Variants in SPHK1 observed in about 807,000 individuals in gnomAD.
SPHK1 encodes sphingosine kinase 1, also known as SK 1.
In SPHK1, 10 loss-of-function variants were observed where a neutral mutation model predicts 14.6. That is an observed-to-expected ratio of 0.68 (90% CI 0.42 to 1.16). The LOEUF (loss-of-function observed/expected upper bound fraction) is 1.16, where lower values mean the gene tolerates loss of function less well. Among genes scored for constraint, SPHK1 ranks in the 50% most tolerant of loss-of-function variants. The probability of loss-of-function intolerance (pLI) is 0.00; values close to 1 mark genes in which losing one functional copy is unlikely to be tolerated. For synonymous variants in SPHK1, 274 were observed against 224.0 expected (o/e 1.22, Z -1.99); for missense variants, 553 against 525.4 (o/e 1.05, Z -0.51).
upstream of SPHK1, chr17:76,383,373 G>C (rs1468119269): frequency 6.4e-6 from 1 of 155,748 alleles, no homozygotes; most frequent in Non-Finnish European, 1.4e-5. Context: ...CCGCCCGTCT[G>C]ACCCCCCAAG....
In SPHK1 at chr17:76,386,591, C is replaced by T; in HGVS notation, c.374+83C>T. ...GTTTTCTTGTCTAAGCTCCCATAGG[C>T]TGAGATCATTTCCATTTCCCCTTCT... On this transcript the variant is annotated intron_variant, in intron 5 of 5. Transcript: ENST00000592299. This position sits in a 1 kb window ranked among gnomAD's most constrained non-coding sequence, Gnocchi z 5.3. The T allele has an allele frequency of 7.4e-7, 1 of 1,357,520 alleles. No individual in the cohort carries two copies. The highest frequency in any genetic ancestry group is 1.0e-6 in the Non-Finnish European group (1 of 991,608). The allele number at this position is 1,357,520 out of a possible 1,614,324, so 84.1% of individuals were successfully genotyped here. A position where few individuals can be genotyped will look rare whatever the true frequency, so the allele number is the denominator to read the frequency against.
upstream of SPHK1, chr17:76,383,876 G>C: frequency 7.8e-7 from 1 of 1,274,756 alleles, no homozygotes; most frequent in Non-Finnish European, 1.0e-6. Context: ...CCCGACGGGG[G>C]CCCCCAGGCC....
Position 76,386,976 on chromosome 17 carries a change from A to T in SPHK1, c.545A>T (p.Glu182Val). 6.2e-7 allele frequency: 1 copy of T among 1,613,664 alleles called. No individual in the cohort carries two copies. The highest frequency in any genetic ancestry group is 2.2e-5 in the East Asian group (1 of 44,870). The change falls in exon 6 of 6, where the codon GAG (glutamate) becomes GTG (valine). Residue 182 changes from glutamate to valine, a missense_variant. Physicochemically the swap from Glu to Val is moderately radical, Grantham distance 121. Transcript: ENST00000592299. This position sits in a 1 kb window ranked among gnomAD's most constrained non-coding sequence, Gnocchi z 5.3. ...ATTGCTGATGTGGACCTAGAGAGTG[A>T]GAAGTATCGGCGTCTGGGGGAGATG... ...GFIADVDLES[E>V]KYRRLGEMRF...
intron 1 of SPHK1, 193 bp downstream of exon 1, chr17:76,384,999 C>T: frequency 1.5e-6 from 2 of 1,367,796 alleles, no homozygotes; most frequent in Middle Eastern, 2.4e-4. Context: ...GAGCGGGGCC[C>T]TGAGAAGCGC....
At chr17:76,384,908 GC>G in intron 1 of SPHK1, 102 bp downstream of exon 1, 1 of 520,942 alleles carries the variant, frequency 1.9e-6, no homozygotes, top group Non-Finnish European at 3.2e-6. Context: ...GCGAGAGCAG[GC>G]GGCAGCTGGT....
upstream of SPHK1, chr17:76,383,563 G>C (rs1490563271): frequency 3.9e-6 from 1 of 255,810 alleles, no homozygotes; most frequent in Non-Finnish European, 7.9e-6. Flanking sequence ...GCGGGGGCGC[G>C]CGAGCCCCGC....
rs346801 is a variant in SPHK1, at chr17:76,387,597, G to A, written c.*11G>A. On this transcript the variant is annotated 3_prime_UTR_variant, in exon 6 of 6. Transcript: ENST00000592299. The surrounding 1 kb of genome is among the most constrained non-coding windows in gnomAD (Gnocchi z 4.1). Reference sequence around the variant, plus strand: ...GAAGAGCCCTTATGACCCCTGGGCCGCGCTGTGCCTTAGTGTCTACTTGCA... The same window carrying A: ...GAAGAGCCCTTATGACCCCTGGGCCACGCTGTGCCTTAGTGTCTACTTGCA... The A allele has an allele frequency of 0.047, 73,402 of 1,566,602 alleles. 2,403 individuals carry two copies. The highest frequency in any genetic ancestry group is 0.12 in the South Asian group (10,091 of 84,490).
In SPHK1 at chr17:76,387,833, A is replaced by C; in HGVS notation, c.*247A>C. ...CTGAGACCCCCACCCCACGAACCAA[A>C]TCCAAATAAAGTGACATTCCCAGCC... is the stretch of plus-strand genomic sequence containing the variant. On this transcript the variant is annotated 3_prime_UTR_variant, in exon 6 of 6. Coordinates refer to ENST00000592299, the MANE Select transcript of SPHK1 (RefSeq NM_001142601.2). This position sits in a 1 kb window ranked among gnomAD's most constrained non-coding sequence, Gnocchi z 4.1. 2.1e-6 allele frequency: 1 copy of C among 478,136 alleles called. No homozygotes were observed. Among genetic ancestry groups the C allele is most frequent in the Non-Finnish European group, 3.7e-6 (1 of 270,986 alleles). 29.6% of individuals were successfully genotyped at this position (478,136 alleles called of 1,614,324 possible).
chr17:76,385,633 C>T lies in SPHK1; in HGVS notation c.-12C>T, dbSNP rs1567822465. On this transcript the variant is annotated 5_prime_UTR_variant, in exon 2 of 6. Coordinates refer to ENST00000592299, the MANE Select transcript of SPHK1 (RefSeq NM_001142601.2). This position sits in a 1 kb window ranked among gnomAD's most constrained non-coding sequence, Gnocchi z 5.3. ...AGGGACCCCCTGGCAGCGGGAGCCG[C>T]GGGTCGAGGTTATGGATCCAGGTTT... 2.0e-6 allele frequency: 3 copies of T among 1,538,116 alleles called. No individual in the cohort carries two copies. The highest frequency in any genetic ancestry group is 1.7e-4 in the Middle Eastern group (1 of 5,984).
chr17:76,383,758 C>T, upstream of SPHK1: 1 of 1,055,904 alleles, frequency 9.5e-7, no homozygotes, highest in Non-Finnish European at 1.3e-6. Flanking sequence ...AAACGCGTCC[C>T]TACTGGCCTC....
rs766464422 is a variant in SPHK1, at chr17:76,385,700, C to G, written c.10+46C>G. ...GAAGGGCTGTAGGGGGATTCCTGTT[C>G]CTCGCCAGGAATGATGGAACGCCCA... On this transcript the variant is annotated intron_variant, in intron 2 of 5. Transcript: ENST00000592299. The surrounding 1 kb of genome is among the most constrained non-coding windows in gnomAD (Gnocchi z 5.3). 2.7e-6 allele frequency: 4 copies of G among 1,499,218 alleles called. No individual in the cohort carries two copies. In the East Asian group the frequency reaches 9.9e-5, roughly 37 times the overall value. 92.9% of individuals were successfully genotyped at this position (1,499,218 alleles called of 1,614,324 possible). A position where few individuals can be genotyped will look rare whatever the true frequency, so the allele number is the denominator to read the frequency against.
chr17:76,384,937 G>A, intron 1 of SPHK1, 131 bp downstream of exon 1: 1 of 720,388 alleles, frequency 1.4e-6, no homozygotes, highest in Non-Finnish European at 2.1e-6. Flanking sequence ...TTCGGGCTTG[G>A]CTTTGGCGCG....
Position 76,386,848 on chromosome 17 carries a change from G to T in SPHK1, c.417G>T (p.Thr139=), listed in dbSNP as rs750554404. 5 of 1,586,090 alleles carry T rather than the reference G, an allele frequency of 3.2e-6. No individual in the cohort carries two copies. The highest frequency in any genetic ancestry group is 2.6e-6 in the Non-Finnish European group (3 of 1,164,126). ...VTNEDLLTNC[T]LLLCRRLLSP... ...ATGAAGACCTCCTGACCAACTGCAC[G>T]CTATTGCTGTGCCGCCGGCTGCTGT... is the stretch of plus-strand genomic sequence containing the variant. Residue 139 remains threonine (T), a synonymous_variant, in exon 6 of 6, where the codon ACG becomes ACT. Transcript: ENST00000592299. The surrounding 1 kb of genome is among the most constrained non-coding windows in gnomAD (Gnocchi z 5.3).
Position 76,387,512 on chromosome 17 carries a change from A to T in SPHK1, c.1081A>T (p.Met361Leu). The change falls in exon 6 of 6, where the codon ATG becomes TTG. Residue 361 changes from methionine (M) to leucine (L), a missense_variant. Met to Leu is a conservative substitution (Grantham distance 15, BLOSUM62 2). Coordinates refer to ENST00000592299, the MANE Select transcript of SPHK1 (RefSeq NM_001142601.2). The surrounding 1 kb of genome is among the most constrained non-coding windows in gnomAD (Gnocchi z 4.1). ...QGQVHPNYFW[M>L]VSGCVEPPPS... ...CCAGGTGCACCCAAACTACTTCTGG[A>T]TGGTCAGCGGTTGCGTGGAGCCCCC... The T allele has an allele frequency of 6.2e-7, 1 of 1,612,404 alleles. No individual in the cohort carries two copies. Among genetic ancestry groups the T allele is most frequent in the Non-Finnish European group, 8.5e-7 (1 of 1,179,840 alleles).
At chr17:76,383,947 C>T, upstream of SPHK1, 3 of 1,081,188 alleles carry the variant, frequency 2.8e-6, no homozygotes, top group East Asian at 1.0e-4. Context: ...CTGCTCTACC[C>T]GGGACAGCGC....
Position 76,387,124 on chromosome 17 carries a change from G to C in SPHK1, c.693G>C (p.Gln231His). Residue 231 changes from glutamine to histidine, a missense_variant, in exon 6 of 6, where the codon CAG becomes CAC. Coordinates refer to ENST00000592299, the MANE Select transcript of SPHK1 (RefSeq NM_001142601.2). This position sits in a 1 kb window ranked among gnomAD's most constrained non-coding sequence, Gnocchi z 4.1. ...CTGCCTCCCCCGTTGTGGTCCAGCA[G>C]GGCCCGGTAGATGCACACCTTGTGC... The part of the protein sequence containing the change: ...KTPASPVVVQ[Q>H]GPVDAHLVPL... 2 of 1,613,256 alleles carry C rather than the reference G, an allele frequency of 1.2e-6. No individual in the cohort carries two copies. The highest frequency in any genetic ancestry group is 1.7e-6 in the Non-Finnish European group (2 of 1,180,030).
rs1331413865 is a variant in SPHK1, at chr17:76,384,618, C to G, written c.-383C>G. The stretch of plus-strand genomic sequence containing the variant: ...GCCGGCGCCGAGGCTCAGTGCCCTC[C>G]CCGCTCCGCGGCGCCGGCTGCGAAG... On this transcript the variant is annotated 5_prime_UTR_variant, in exon 1 of 6. Transcript: ENST00000592299. The G allele has an allele frequency of 4.6e-5, 7 of 152,168 alleles. No individual in the cohort carries two copies. Among genetic ancestry groups the G allele is most frequent in the Admixed American group, 3.9e-4 (6 of 15,266 alleles). The allele number at this position is 152,168 out of a possible 1,614,324, so 9.4% of individuals were successfully genotyped here. A position where few individuals can be genotyped will look rare whatever the true frequency, so the allele number is the denominator to read the frequency against.
rs1326541979 is a variant in SPHK1, at chr17:76,386,479, G to T, written c.345G>T (p.Ala115=). The change falls in exon 5 of 6, where the codon GCG becomes GCT. Residue 115 remains alanine (A), a synonymous_variant. Coordinates refer to ENST00000592299, the MANE Select transcript of SPHK1 (RefSeq NM_001142601.2). This position sits in a 1 kb window ranked among gnomAD's most constrained non-coding sequence, Gnocchi z 5.3. ...GCCTCCCAGCAGGCTCTGGCAACGC[G>T]CTGGCAGCTTCCTTGAACCATTATG... ...LCSLPAGSGN[A]LAASLNHYAG... The T allele has an allele frequency of 1.9e-6, 3 of 1,612,758 alleles. No homozygotes were observed. Among genetic ancestry groups the T allele is most frequent in the African/African-American group, 1.3e-5 (1 of 75,048 alleles).
Position 76,386,444 on chromosome 17 carries a change from C to G in SPHK1, c.310C>G (p.Pro104Ala), listed in dbSNP as rs201193043. The G allele has an allele frequency of 6.8e-6, 11 of 1,613,080 alleles. No homozygotes were observed. In the African/African-American group the frequency reaches 1.5e-4, roughly 21 times the overall value. ...RPDWETAIQK[P>A]LCSLPAGSGN... ...TGACTGGGAGACCGCCATCCAGAAG[C>G]CCCTGTGTAGCCTCCCAGCAGGCTC... Residue 104 changes from proline to alanine, a missense_variant, in exon 5 of 6, where the codon CCC (proline) becomes GCC (alanine). Coordinates refer to ENST00000592299, the MANE Select transcript of SPHK1 (RefSeq NM_001142601.2). The surrounding 1 kb of genome is among the most constrained non-coding windows in gnomAD (Gnocchi z 5.3).
Sources: allele counts gnomAD v4.1 joint callset, GRCh38; gene constraint gnomAD v4.1.1; non-coding constraint Gnocchi (gnomAD v3.1); transcripts MANE v1.5; gene names NCBI Gene and HGNC (gene_info 2026-07-23, HGNC 2026-07-21).